The following ITPR2 variants were observed in gnomAD, a reference collection of about 807,000 sequenced individuals.
The protein encoded by ITPR2 is inositol 1,4,5-trisphosphate receptor type 2.
Under a neutral mutation model 317.1 loss-of-function variants are expected in ITPR2, and 207 were observed. That is an observed-to-expected ratio of 0.65 (90% CI 0.58 to 0.73). The LOEUF (loss-of-function observed/expected upper bound fraction) is 0.73. ITPR2 is among the 30% of genes least tolerant of loss of function. ITPR2 has a pLI of 0.00. For missense variants in ITPR2, 2,613 were observed against 3,284.0 expected (o/e 0.80, Z 4.99); for synonymous variants, 1,156 against 1,149.1 (o/e 1.01, Z -0.12).
At chr12:26,381,648 A>G in intron 55 of ITPR2, among the ~76,000 whole-genome samples, 1 of 152,246 alleles carries the variant, frequency 6.6e-6, no homozygotes, top group East Asian at 1.9e-4. Context: ...TGTCTTCATC[A>G]ACACTGCTGC....
Position 26,337,064 on chromosome 12 carries a change from AT to A in ITPR2, c.*2332del, listed in dbSNP as rs1937940497. Reference sequence around the variant, plus strand: ...AAAAATACAACTCAGAAATATTTAAATTTTGATGAAATAAGAGTCTTGTTAG... The same window carrying A: ...AAAAATACAACTCAGAAATATTTAAATTTGATGAAATAAGAGTCTTGTTAG... On this transcript the variant is annotated 3_prime_UTR_variant, in exon 57 of 57. Coordinates refer to ENST00000381340, the MANE Select transcript of ITPR2 (RefSeq NM_002223.4). The A allele has an allele frequency of 6.6e-6, 1 of 150,502 alleles. No homozygotes were observed. The highest frequency in any genetic ancestry group is 2.4e-5 in the African/African-American group (1 of 41,126). The allele number at this position is 150,502 out of a possible 1,614,324, so 9.3% of individuals were successfully genotyped here.
chr12:26,355,031 G>C lies in ITPR2; in HGVS notation c.7858-14703C>G, dbSNP rs571760510. Among the ~76,000 whole-genome samples the C allele has an allele frequency of 2.0e-5, 3 of 152,178 alleles. 1 individual carries two copies. In the South Asian group the frequency reaches 6.2e-4, roughly 32 times the overall value. ...AAATGGTTAGAAATACAAATTTTTA[G>C]GCCTTACTCCAGATCTACAGAATCA... On this transcript the variant is annotated intron_variant, in intron 55 of 56. Transcript: ENST00000381340.
At chr12:26,516,787 G>A (rs912491360) in intron 37 of ITPR2, among the ~76,000 whole-genome samples, 4 of 151,878 alleles carry the variant, frequency 2.6e-5, no homozygotes, top group African/African-American at 9.7e-5. Flanking sequence ...ACACAAATAA[G>A]CTCGACACTA....
chr12:26,715,158 A>G (rs780444881), intron 8 of ITPR2, 141 bp downstream of exon 8: 4 of 700,264 alleles, frequency 5.7e-6, no homozygotes, highest in Non-Finnish European at 4.5e-6. Flanking sequence ...ACAGCAATGA[A>G]TAGGCACAAG....
chr12:26,628,958 T>C (rs1946685031), intron 22 of ITPR2, among the ~76,000 whole-genome samples: 2 of 152,200 alleles, frequency 1.3e-5, no homozygotes, highest in Non-Finnish European at 2.9e-5. Context: ...ATAGGTACCA[T>C]CTGTCCCTGT....
intron 1 of ITPR2, among the ~76,000 whole-genome samples, chr12:26,826,755 C>A (rs1252493044): frequency 1.3e-5 from 2 of 152,146 alleles, no homozygotes; most frequent in Admixed American, 1.3e-4. Flanking sequence ...CAGATGTACA[C>A]ACACACACAC....
intron 52 of ITPR2, among the ~76,000 whole-genome samples, 188 bp from the exon 53 acceptor site, chr12:26,400,446 A>G (rs79293670): frequency 0.011 from 1,635 of 152,234 alleles, 21 homozygotes; most frequent in African/African-American, 0.037. Flanking sequence ...AAAGATACAT[A>G]CAAATGTATA....
At position 26,628,059 on chromosome 12, in the gene ITPR2, C is replaced by G; in HGVS notation, c.3038G>C (p.Gly1013Ala). Residue 1013 changes from glycine (G) to alanine (A), a missense_variant, in exon 23 of 57, where the codon GGA (glycine) becomes GCA (alanine). Gly to Ala is a moderately conservative substitution (Grantham distance 60, BLOSUM62 0). Coordinates refer to ENST00000381340, the MANE Select transcript of ITPR2 (RefSeq NM_002223.4). Reference sequence around the variant, plus strand: ...TGATGGTAGTAAAGTGTCTGGAGATCCACTGGCAGATGTCTCCGCATTGTC... The same window carrying G: ...TGATGGTAGTAAAGTGTCTGGAGATGCACTGGCAGATGTCTCCGCATTGTC... ...DNDNAETSAS[G>A]SPDTLLPSAI... 6.2e-7 allele frequency: 1 copy of G among 1,612,708 alleles called. No homozygotes were observed.
chr12:26,732,022 C>T (rs1216445320), intron 2 of ITPR2, among the ~76,000 whole-genome samples: 1 of 151,200 alleles, frequency 6.6e-6, no homozygotes, highest in Admixed American at 6.6e-5. Flanking sequence ...AACATCTATC[C>T]CCCCACCTGC....
intron 45 of ITPR2, among the ~76,000 whole-genome samples, chr12:26,448,054 T>C (rs1196912346): frequency 6.6e-6 from 1 of 151,644 alleles, no homozygotes; most frequent in African/African-American, 2.4e-5. Context: ...TTTAGTATTA[T>C]GTGCTTTGGA....
chr12:26,731,258 A>G (rs1028306954), intron 2 of ITPR2, among the ~76,000 whole-genome samples: 13 of 152,186 alleles, frequency 8.5e-5, no homozygotes, highest in African/African-American at 3.1e-4. Flanking sequence ...CCTCATAACC[A>G]TAGGGAACAT....
At chr12:26,437,069 T>C (rs1053829712) in intron 47 of ITPR2, among the ~76,000 whole-genome samples, 1 of 152,174 alleles carries the variant, frequency 6.6e-6, no homozygotes, top group Non-Finnish European at 1.5e-5. Flanking sequence ...ATCAATCGAA[T>C]ACAGTTTACA....
At chr12:26,429,365 T>C (rs1472339178) in intron 48 of ITPR2, among the ~76,000 whole-genome samples, 2 of 152,290 alleles carry the variant, frequency 1.3e-5, no homozygotes, top group South Asian at 2.1e-4. Context: ...TCTGATAAGA[T>C]TAATTTGGAG....
chr12:26,619,608 G>A (rs927441129), intron 26 of ITPR2, among the ~76,000 whole-genome samples: 4 of 152,108 alleles, frequency 2.6e-5, no homozygotes, highest in African/African-American at 7.2e-5. Flanking sequence ...TGATGTTGTC[G>A]TGCACAGATG....
At chr12:26,369,044 G>C (rs1939101914) in intron 55 of ITPR2, among the ~76,000 whole-genome samples, 1 of 152,304 alleles carries the variant, frequency 6.6e-6, no homozygotes, top group East Asian at 1.9e-4. Flanking sequence ...GGAACAAGTA[G>C]AGTGCTGCAG....
intron 48 of ITPR2, among the ~76,000 whole-genome samples, chr12:26,429,434 C>A (rs1306882001): frequency 6.6e-6 from 1 of 152,168 alleles, no homozygotes; most frequent in East Asian, 1.9e-4. Context: ...TGTCCTCTGG[C>A]AATGCTAACA....
At chr12:26,382,284 C>G (rs542579688) in intron 55 of ITPR2, among the ~76,000 whole-genome samples, 1 of 152,118 alleles carries the variant, frequency 6.6e-6, no homozygotes, top group Admixed American at 6.5e-5. Context: ...CCTTGATCTA[C>G]TCATATTTCC....
intron 55 of ITPR2, among the ~76,000 whole-genome samples, chr12:26,378,687 T>A (rs1286717773): frequency 6.6e-6 from 1 of 152,244 alleles, no homozygotes; most frequent in African/African-American, 2.4e-5. Context: ...ATTCTTATTC[T>A]TATCAGTGCC....
At chr12:26,790,586 T>TACAC (rs10527860) in intron 1 of ITPR2, among the ~76,000 whole-genome samples, 43,972 of 147,656 alleles carry the variant, frequency 0.3, 6,846 homozygotes, top group Middle Eastern at 0.39. Context: ...CATATATGCT[T>TACAC]ACACACACAC....
Sources: gnomAD v4.1 joint callset for allele counts (sites outside exome capture counted in the v4.1 genomes callset) on GRCh38, gnomAD v4.1.1 for gene constraint, MANE v1.5 for transcripts, NCBI Gene and HGNC (gene_info 2026-07-23, HGNC 2026-07-21) for gene names.